RAB40C: variants seen among roughly 807,000 people sequenced by gnomAD.
RAB40C encodes ras-related protein Rab-40C.
Under a neutral mutation model 28.1 loss-of-function variants are expected in RAB40C, and 8 were observed. That is an observed-to-expected ratio of 0.28 (90% CI 0.17 to 0.51). The LOEUF (loss-of-function observed/expected upper bound fraction) is 0.51. RAB40C is among the 20% of genes least tolerant of loss of function. RAB40C has a pLI of 0.97. For synonymous variants in RAB40C, 201 were observed against 171.7 expected (o/e 1.17, Z -1.34); for missense variants, 288 against 405.9 (o/e 0.71, Z 2.50).
rs1384597802 is a variant in RAB40C, at chr16:627,769, G to T, written c.*147G>T. 2 of 1,056,816 alleles carry T rather than the reference G, an allele frequency of 1.9e-6. No individual in the cohort carries two copies. The highest frequency in any genetic ancestry group is 3.2e-5 in the African/African-American group (2 of 61,972). 65.5% of individuals were successfully genotyped at this position (1,056,816 alleles called of 1,614,324 possible). On this transcript the variant is annotated 3_prime_UTR_variant, in exon 6 of 6. Transcript: ENST00000248139. ...GGCTTTCCTCACACCTGAGCCGGGT[G>T]CGAGGAGGAGCATGCACGGACCAAG...
chr16:604,699 G>A (rs1363549996), intron 1 of RAB40C, among the ~76,000 whole-genome samples: 2 of 152,204 alleles, frequency 1.3e-5, no homozygotes, highest in East Asian at 1.9e-4. Flanking sequence ...ATGAGTGTAC[G>A]TTTTAATTTA....
At chr16:607,767 G>C (rs2036393269) in intron 1 of RAB40C, among the ~76,000 whole-genome samples, 1 of 152,220 alleles carries the variant, frequency 6.6e-6, no homozygotes, top group African/African-American at 2.4e-5. Context: ...CTCCAGCCTG[G>C]GCGACAGAGC....
chr16:617,737 G>C (rs2036617018), intron 2 of RAB40C, among the ~76,000 whole-genome samples: 1 of 152,208 alleles, frequency 6.6e-6, no homozygotes, highest in Non-Finnish European at 1.5e-5. Flanking sequence ...CAGCCACTCA[G>C]GAGGCTGAGG....
At chr16:596,336 G>A (rs538615593) in intron 1 of RAB40C, 3 of 456,116 alleles carry the variant, frequency 6.6e-6, no homozygotes, top group African/African-American at 2.0e-5. Flanking sequence ...GAGAAGGCGC[G>A]AAGCTGCTGG....
At chr16:604,520 G>A (rs561797261) in intron 1 of RAB40C, among the ~76,000 whole-genome samples, 3 of 151,006 alleles carry the variant, frequency 2.0e-5, no homozygotes, top group South Asian at 2.1e-4. Context: ...TAGAATACAC[G>A]TGAGTCTTTC....
chr16:611,387 A>G (rs186976196), intron 1 of RAB40C, among the ~76,000 whole-genome samples: 3 of 152,294 alleles, frequency 2.0e-5, no homozygotes, highest in African/African-American at 4.8e-5. Flanking sequence ...AGAAGCAGCT[A>G]TGGCCTTTGT....
At chr16:590,698 CGGGTCCGGGATCTCAGGGGAAGGTGTCAT>C (rs1287410190) in intron 1 of RAB40C, among the ~76,000 whole-genome samples, 3 of 152,242 alleles carry the variant, frequency 2.0e-5, no homozygotes, top group East Asian at 1.9e-4. Flanking sequence ...GACGGTGTCA[CGGGTCCGGGATCTCAGGGGAAGGTGTCAT>C]GGGTCCGGGA....
intron 5 of RAB40C, among the ~76,000 whole-genome samples, chr16:627,088 G>A (rs2036854531): frequency 6.6e-6 from 1 of 152,242 alleles, no homozygotes; most frequent in African/African-American, 2.4e-5. Flanking sequence ...ACTGGGCAGA[G>A]TGCCCTCTGG....
At chr16:624,458 G>C (rs745673052) in intron 3 of RAB40C, 366 of 985,376 alleles carry the variant, frequency 3.7e-4, no homozygotes, top group Non-Finnish European at 3.9e-4. Context: ...GCTCCATCCT[G>C]AGCAAGGCCT....
chr16:607,498 T>G, intron 1 of RAB40C, among the ~76,000 whole-genome samples: 1 of 123,134 alleles, frequency 8.1e-6, no homozygotes, highest in African/African-American at 3.4e-5. Context: ...AGTGAAACTG[T>G]CTCAAAAAAA....
chr16:622,799 T>C (rs8054842), intron 3 of RAB40C, among the ~76,000 whole-genome samples: 71,381 of 152,066 alleles, frequency 0.47, 17,196 homozygotes, highest in East Asian at 0.65. Flanking sequence ...CCACGGCGCC[T>C]GGCCGAAGTC....
chr16:617,359 G>C, intron 2 of RAB40C, 91 bp downstream of exon 2: 1 of 1,497,976 alleles, frequency 6.7e-7, no homozygotes, highest in Non-Finnish European at 9.3e-7. Context: ...AAGGCGTCCT[G>C]TTTGCATTTC....
chr16:618,132 A>G, intron 2 of RAB40C, 68 bp from the exon 3 acceptor site: 1 of 1,496,170 alleles, frequency 6.7e-7, no homozygotes, highest in African/African-American at 1.4e-5. Flanking sequence ...GGGTCGGCAG[A>G]GGAGGGAAGG....
chr16:622,988 CT>C (rs968931982), intron 3 of RAB40C, among the ~76,000 whole-genome samples: 4 of 152,138 alleles, frequency 2.6e-5, no homozygotes, highest in African/African-American at 9.7e-5. Flanking sequence ...ATTTGGGTCC[CT>C]GCGGCCTCAC....
intron 5 of RAB40C, 134 bp downstream of exon 5, chr16:626,255 G>A: frequency 2.3e-6 from 2 of 852,176 alleles, no homozygotes. Flanking sequence ...TAGGGGCTCG[G>A]CCGGCGGCAG....
At chr16:596,014 C>T (rs2036116276) in intron 1 of RAB40C, among the ~76,000 whole-genome samples, 1 of 152,240 alleles carries the variant, frequency 6.6e-6, no homozygotes, top group South Asian at 2.1e-4. Flanking sequence ...GGCCAGATGC[C>T]AGAACTTTTG....
chr16:616,487 C>T (rs944018920), intron 1 of RAB40C, among the ~76,000 whole-genome samples: 1 of 151,798 alleles, frequency 6.6e-6, no homozygotes, highest in Non-Finnish European at 1.5e-5. Flanking sequence ...TAAAGGTGCC[C>T]ACCACCACAC....
intron 1 of RAB40C, among the ~76,000 whole-genome samples, chr16:597,272 G>T (rs2036146993): frequency 6.6e-6 from 1 of 152,042 alleles, no homozygotes; most frequent in Admixed American, 6.6e-5. Flanking sequence ...GAAGGGAAGA[G>T]TTGGTCCCAT....
chr16:593,444 T>G (rs1456387025), intron 1 of RAB40C, among the ~76,000 whole-genome samples: 1 of 152,258 alleles, frequency 6.6e-6, no homozygotes, highest in African/African-American at 2.4e-5. Context: ...TGTTTCCAGC[T>G]TCCGTGTTTC....
Sources: gnomAD v4.1 joint callset for allele counts (sites outside exome capture counted in the v4.1 genomes callset) on GRCh38, gnomAD v4.1.1 for gene constraint, MANE v1.5 for transcripts, NCBI Gene and HGNC (gene_info 2026-07-23, HGNC 2026-07-21) for gene names.